NIBAN3: variants seen among roughly 807,000 people sequenced by gnomAD.
NIBAN3 encodes the protein niban apoptosis regulator 3.
Under a neutral mutation model 76.4 loss-of-function variants are expected in NIBAN3, and 66 were observed. The observed-to-expected ratio is 0.86, with a 90% confidence interval of 0.71 to 1.06. NIBAN3 has a LOEUF of 1.06. Ranked by LOEUF, NIBAN3 falls within the 50% of genes least tolerant of loss-of-function variation. NIBAN3 has a pLI of 0.00. For missense variants in NIBAN3, 808 were observed against 810.7 expected (o/e 1.00, Z 0.04); for synonymous variants, 360 against 355.2 (o/e 1.01, Z -0.15).
At chr19:17,545,709 C>A (rs1029471048) in intron 12 of NIBAN3, 2 of 167,128 alleles carry the variant, frequency 1.2e-5, no homozygotes, top group Non-Finnish European at 2.6e-5. Flanking sequence ...ATATCAGAGA[C>A]TTTTAGTACT....
At chr19:17,541,233 A>G (rs1018940368) in intron 9 of NIBAN3, among the ~76,000 whole-genome samples, 17 of 4,586 alleles carry the variant, frequency 3.7e-3, no homozygotes, top group African/African-American at 0.013. Context: ...ATACATATAT[A>G]CATACATACA....
At chr19:17,523,441 G>A (rs766796914), upstream of NIBAN3, 1 of 1,563,670 alleles carries the variant, frequency 6.4e-7, no homozygotes, top group South Asian at 1.2e-5. Context: ...GAAGTGGGAT[G>A]GGGCCTGACC....
chr19:17,527,906 C>G (rs1230882601), intron 1 of NIBAN3, among the ~76,000 whole-genome samples: 1 of 151,614 alleles, frequency 6.6e-6, no homozygotes, highest in Non-Finnish European at 1.5e-5. Context: ...GTTGCCCAGG[C>G]TGGTCTTGAA....
At position 17,533,574 on chromosome 19, in the gene NIBAN3, G is replaced by A; in HGVS notation, c.313-13G>A. 6.2e-7 allele frequency: 1 copy of A among 1,602,922 alleles called. No individual in the cohort carries two copies. The highest frequency in any genetic ancestry group is 2.2e-5 in the East Asian group (1 of 44,812). On this transcript the variant is annotated splice_polypyrimidine_tract_variant and intron_variant, in intron 3 of 14. Transcript: ENST00000599164. ...GACCTGTCCCAGGTTGGTTCTCTGG[G>A]TACCTTTTGTAGGAATATGAAAACG...
At chr19:17,524,194 C>G (rs1181515050), upstream of NIBAN3, among the ~76,000 whole-genome samples, 1 of 150,226 alleles carries the variant, frequency 6.7e-6, no homozygotes, top group Admixed American at 6.7e-5. Context: ...CCCAACTCCT[C>G]GCTTCCTTTC....
At chr19:17,539,012 G>A in intron 5 of NIBAN3, 138 bp from the exon 6 acceptor site, 1 of 668,320 alleles carries the variant, frequency 1.5e-6, no homozygotes, top group Non-Finnish European at 2.5e-6. Flanking sequence ...CCCTGTGGAG[G>A]GCATTGCCTA....
rs767348146 is a variant in NIBAN3 at position 17,532,264 on chromosome 19, A to G, written c.188A>G (p.Lys63Arg). ...PTGSQLLRSKKLPRVREHRGP... is the reference protein window; with the variant it reads ...PTGSQLLRSKRLPRVREHRGP... ...ACCCACTGCTCCCTCTTTCTGCAGAAGCTGCCCCGAGTCCGTGAGCACCGA... is the reference window on the plus strand; with the variant it reads ...ACCCACTGCTCCCTCTTTCTGCAGAGGCTGCCCCGAGTCCGTGAGCACCGA... The change falls in exon 3 of 15, where the codon AAG becomes AGG. Residue 63 changes from lysine to arginine, a missense_variant and splice_region_variant. Transcript: ENST00000599164. 6 of 1,607,730 alleles carry G rather than the reference A, an allele frequency of 3.7e-6. No individual in the cohort carries two copies. The South Asian group carries it at 6.6e-5, about 18-fold the overall frequency.
rs202032337 is a variant in NIBAN3, at chr19:17,552,913, A to T, written c.*1015A>T. ...GTGAAACCTGTCTCTACTAAAAAAT[A>T]AAATAAATAAATAAATAAATAAATA... On this transcript the variant is annotated 3_prime_UTR_variant, in exon 15 of 15. Coordinates refer to ENST00000599164, the MANE Select transcript of NIBAN3 (RefSeq NM_001321827.2). 1.1e-3 allele frequency: 156 copies of T among 144,898 alleles called. 3 individuals carry two copies. In the East Asian group the frequency reaches 0.021, roughly 20 times the overall value. The allele number at this position is 144,898 out of a possible 1,614,324, so 9.0% of individuals were successfully genotyped here. A position where few individuals can be genotyped will look rare whatever the true frequency, so the allele number is the denominator to read the frequency against.
chr19:17,538,260 C>CA lies in NIBAN3; in HGVS notation c.595+723dup, dbSNP rs542071412. On this transcript the variant is annotated intron_variant, in intron 5 of 14. Transcript: ENST00000599164. ...TGAAACCCCATCTCTACTAAAAATA[C>CA]AAAAAATTAGCCGAGCGTGGTGGCA... is the stretch of plus-strand genomic sequence containing the variant. Among the ~76,000 whole-genome samples the CA allele has an allele frequency of 7.1e-3, 1,068 of 150,800 alleles. 16 individuals carry two copies. Among genetic ancestry groups the CA allele is most frequent in the African/African-American group, 0.025 (1,016 of 41,056 alleles).
At chr19:17,543,460 T>A in intron 11 of NIBAN3, 27 bp downstream of exon 11, 2 of 1,608,420 alleles carry the variant, frequency 1.2e-6, no homozygotes, top group Non-Finnish European at 1.7e-6. Flanking sequence ...CGGGGTGGCA[T>A]GGGGTGGCAG....
In NIBAN3 at chr19:17,540,454, G is replaced by C; in HGVS notation, c.1042G>C (p.Val348Leu). The C allele has an allele frequency of 6.3e-7, 1 of 1,578,708 alleles. No individual in the cohort carries two copies. Residue 348 changes from valine to leucine, a missense_variant, in exon 9 of 15, where the codon GTC (valine) becomes CTC (leucine). Val to Leu is a conservative substitution (Grantham distance 32, BLOSUM62 1). Transcript: ENST00000599164. ...RREVDPQLPRVVQTLLRTVEA... is the reference protein window; with the variant it reads ...RREVDPQLPRLVQTLLRTVEA... ...GGAGGTGGACCCGCAGCTGCCCCGG[G>C]TCGTGCAGACCCTGCTGCGCACCGT...
rs1455164992 is a variant in NIBAN3, at chr19:17,546,973, ACT to A, written c.1666+181_1666+182del. Among the ~76,000 whole-genome samples, 3 of 152,110 alleles carry A rather than the reference ACT, an allele frequency of 2.0e-5. No individual in the cohort carries two copies. The South Asian group carries it at 6.2e-4, about 32-fold the overall frequency. ...GGAGCTCAGAGGGGCAGGGATGGAT[ACT>A]CTCTGAAGGAAGGGCCGTTGGACTG... On this transcript the variant is annotated intron_variant, in intron 13 of 14. Coordinates refer to ENST00000599164, the MANE Select transcript of NIBAN3 (RefSeq NM_001321827.2).
At chr19:17,548,438 G>A (rs551906733) in intron 13 of NIBAN3, among the ~76,000 whole-genome samples, 2 of 152,222 alleles carry the variant, frequency 1.3e-5, no homozygotes, top group African/African-American at 4.8e-5. Flanking sequence ...GGACAGGCCC[G>A]AGCAGGGGCA....
At position 17,546,766 on chromosome 19, in the gene NIBAN3, C is replaced by T. The variant is rs865972731; in HGVS notation, c.1635C>T (p.Ile545=). 1.2e-6 allele frequency: 2 copies of T among 1,604,478 alleles called. No homozygotes were observed. The highest frequency in any genetic ancestry group is 4.5e-5 in the East Asian group (2 of 44,464). The change falls in exon 13 of 15, where the codon ATC becomes ATT. Residue 545 remains isoleucine (I), a synonymous_variant. Transcript: ENST00000599164. ...CTGAGGGCATCTATGAGGACGTCATCCGGGGGTGCTTGCTGCAGAGGATTG... is the reference window on the plus strand; with the variant it reads ...CTGAGGGCATCTATGAGGACGTCATTCGGGGGTGCTTGCTGCAGAGGATTG... ...LTTEGIYEDV[I]RGCLLQRIDQ... is the part of the protein sequence containing the mutation.
In NIBAN3 at chr19:17,539,336, C is replaced by T. The variant is rs759859792; in HGVS notation, c.712-11C>T. On this transcript the variant is annotated splice_polypyrimidine_tract_variant and intron_variant, in intron 6 of 14. Transcript: ENST00000599164. Reference sequence around the variant, plus strand: ...GGCCGACCGCGGCGCCCATGGCCCCCTCTCCTGCAGGTGCTGACCGCGGTG... The same window carrying T: ...GGCCGACCGCGGCGCCCATGGCCCCTTCTCCTGCAGGTGCTGACCGCGGTG... The T allele has an allele frequency of 1.2e-5, 18 of 1,549,700 alleles. No individual in the cohort carries two copies. The highest frequency in any genetic ancestry group is 1.4e-5 in the Non-Finnish European group (16 of 1,148,004).
Position 17,542,231 on chromosome 19 carries a change from A to G in NIBAN3, c.1266A>G (p.Ala422=), listed in dbSNP as rs759335901. 1 of 1,609,240 alleles carries G rather than the reference A, an allele frequency of 6.2e-7. No homozygotes were observed. Among genetic ancestry groups the G allele is most frequent in the Admixed American group, 1.7e-5 (1 of 57,166 alleles). ...ERSRGRLGQL[A]APFGFLGMQS... ...GCCGGGGGCGCTTGGGGCAGCTGGC[A>G]GCACCGTTTGGCTTTCTGGGGATGC... Residue 422 remains alanine, a synonymous_variant, in exon 10 of 15, where the codon GCA becomes GCG. Transcript: ENST00000599164. The surrounding 1 kb of genome is among the most constrained non-coding windows in gnomAD (Gnocchi z 4.8).
chr19:17,550,521 G>A (rs542127452), intron 14 of NIBAN3, among the ~76,000 whole-genome samples: 1 of 152,192 alleles, frequency 6.6e-6, no homozygotes, highest in South Asian at 2.1e-4. Flanking sequence ...TTAAAAATTA[G>A]TTGGGTGTGG....
chr19:17,531,723 G>A (rs945464863), intron 2 of NIBAN3, among the ~76,000 whole-genome samples: 9 of 152,238 alleles, frequency 5.9e-5, no homozygotes, highest in East Asian at 1.9e-4. Context: ...TGGTAGAGAC[G>A]GGGTTTCACC....
At chr19:17,554,759 A>C (rs1469018708), downstream of NIBAN3, among the ~76,000 whole-genome samples, 1 of 144,978 alleles carries the variant, frequency 6.9e-6, no homozygotes, top group East Asian at 2.0e-4. Context: ...TAGCCGGGGC[A>C]ATGGAGTGAG....
Sources: allele counts gnomAD v4.1 joint callset (sites outside exome capture counted in the v4.1 genomes callset), GRCh38; gene constraint gnomAD v4.1.1; non-coding constraint Gnocchi (gnomAD v3.1); transcripts MANE v1.5; gene names NCBI Gene and HGNC (gene_info 2026-07-23, HGNC 2026-07-21).